Variants in DDX31 observed in about 807,000 individuals in gnomAD.
The protein encoded by DDX31 is ATP-dependent DNA helicase DDX31.
Under a neutral mutation model 91.3 loss-of-function variants are expected in DDX31, and 70 were observed. That is an observed-to-expected ratio of 0.77 (90% CI 0.63 to 0.94). The LOEUF is 0.94. Ranked by LOEUF, DDX31 falls within the 40% of genes least tolerant of loss-of-function variation. The pLI, the probability that DDX31 is intolerant of heterozygous loss-of-function variation, is 0.00. For synonymous variants in DDX31, 362 were observed against 350.6 expected, an observed-to-expected ratio of 1.03 and a Z score of -0.36; for missense variants, 902 against 925.0, an observed-to-expected ratio of 0.98 and a Z score of 0.32.
intron 19 of DDX31, among the ~76,000 whole-genome samples, chr9:132,599,269 G>A (rs1830601511): frequency 6.6e-6 from 1 of 152,166 alleles, no homozygotes; most frequent in Non-Finnish European, 1.5e-5. Flanking sequence ...TTTGTCCAGG[G>A]CCAAAAATCA....
chr9:132,596,722 G>A (rs940088933), intron 19 of DDX31, among the ~76,000 whole-genome samples: 3 of 152,232 alleles, frequency 2.0e-5, no homozygotes, highest in African/African-American at 7.2e-5. Context: ...GATTTGCCGG[G>A]TCAGCGGGGG....
At chr9:132,660,021 T>C (rs1381878816) in intron 4 of DDX31, among the ~76,000 whole-genome samples, 1 of 152,188 alleles carries the variant, frequency 6.6e-6, no homozygotes, top group Non-Finnish European at 1.5e-5. Flanking sequence ...CTGGCCATTC[T>C]ATTAAACTAA....
intron 1 of DDX31, among the ~76,000 whole-genome samples, chr9:132,665,394 C>A (rs1396917635): frequency 6.6e-6 from 1 of 152,044 alleles, no homozygotes; most frequent in Non-Finnish European, 1.5e-5. Flanking sequence ...GCAGAGGAGA[C>A]AAAAGTATAA....
At chr9:132,600,508 G>A (rs1349559346) in intron 19 of DDX31, among the ~76,000 whole-genome samples, 1 of 152,230 alleles carries the variant, frequency 6.6e-6, no homozygotes, top group Non-Finnish European at 1.5e-5. Context: ...GCCAAGGACA[G>A]GCACAGTGGC....
intron 19 of DDX31, among the ~76,000 whole-genome samples, chr9:132,608,932 A>T (rs1235175616): frequency 6.6e-6 from 1 of 152,166 alleles, no homozygotes; most frequent in Non-Finnish European, 1.5e-5. Context: ...CCTGACCACA[A>T]TTATACGGTC....
In DDX31 at chr9:132,651,069, C is replaced by T. The variant is rs374367849; in HGVS notation, c.675+6G>A. ...AAGATGAAATGGAACTCATGGTTTG[C>T]CTTACCTTAAGCAGTTTCTGGACAG... On this transcript the variant is annotated splice_donor_region_variant and intron_variant, in intron 8 of 19. Coordinates refer to ENST00000372159, the MANE Select transcript of DDX31 (RefSeq NM_022779.9). 90 of 1,611,310 alleles carry T rather than the reference C, an allele frequency of 5.6e-5. No individual in the cohort carries two copies. The highest frequency in any genetic ancestry group is 7.3e-5 in the Non-Finnish European group (86 of 1,178,790).
Position 132,652,434 on chromosome 9 carries a change from G to C in DDX31, c.633+14C>G. 6.2e-7 allele frequency: 1 copy of C among 1,614,122 alleles called. No individual in the cohort carries two copies. The highest frequency in any genetic ancestry group is 1.1e-5 in the South Asian group (1 of 91,076). On this transcript the variant is annotated intron_variant, in intron 7 of 19. Transcript: ENST00000372159. Reference sequence around the variant, plus strand: ...CATGTGCTTAAAACTTGTCCCAAAAGGGAGCCTGCTTACCTCTCTCGTTGG... The same window carrying C: ...CATGTGCTTAAAACTTGTCCCAAAACGGAGCCTGCTTACCTCTCTCGTTGG...
intron 6 of DDX31, among the ~76,000 whole-genome samples, chr9:132,656,088 T>C (rs539565151): frequency 1.2e-4 from 19 of 152,096 alleles, no homozygotes; most frequent in Admixed American, 1.2e-3. Context: ...TGAGGGAGGA[T>C]GGATATGATG....
At chr9:132,637,923 T>C in intron 14 of DDX31, 1 of 998,444 alleles carries the variant, frequency 1.0e-6, no homozygotes, top group South Asian at 4.5e-5. Flanking sequence ...TTCACAGCCG[T>C]ATCTCCTTTG....
At chr9:132,650,328 G>A in intron 8 of DDX31, 30 bp from the exon 9 acceptor site, 2 of 1,605,804 alleles carry the variant, frequency 1.2e-6, no homozygotes, top group South Asian at 2.2e-5. Context: ...CACAGTCAGT[G>A]CAAAGCCCCC....
chr9:132,630,204 A>G, intron 16 of DDX31, 60 bp downstream of exon 16: 1 of 1,498,470 alleles, frequency 6.7e-7, no homozygotes, highest in Non-Finnish European at 9.0e-7. Flanking sequence ...TCACTGTAAA[A>G]AGCGACAGAA....
chr9:132,625,745 G>A lies in DDX31; in HGVS notation c.1632C>T (p.Asn544=), dbSNP rs138460016. 109 of 1,612,532 alleles carry A rather than the reference G, an allele frequency of 6.8e-5. No individual in the cohort carries two copies. The Middle Eastern group carries it at 1.7e-3, about 24-fold the overall frequency. The part of the protein sequence containing the change: ...YVNSLASHKI[N]VSEIKMEDIL... ...TATCTTCCATCTTAATCTCAGAAAC[G>A]CTGTAAAAGGAAGGGCACAGCAAGG... Residue 544 remains asparagine, a splice_region_variant and synonymous_variant, in exon 17 of 20, where the codon AAC becomes AAT. Coordinates refer to ENST00000372159, the MANE Select transcript of DDX31 (RefSeq NM_022779.9).
chr9:132,650,482 C>T (rs1834118708), intron 8 of DDX31, among the ~76,000 whole-genome samples, 184 bp from the exon 9 acceptor site: 1 of 152,188 alleles, frequency 6.6e-6, no homozygotes, highest in Admixed American at 6.5e-5. Flanking sequence ...TCAGCAGTAA[C>T]TTGAATTATA....
At chr9:132,644,276 A>G (rs10491905) in intron 13 of DDX31, among the ~76,000 whole-genome samples, 46,649 of 152,146 alleles carry the variant, frequency 0.31, 7,495 homozygotes, top group Middle Eastern at 0.42. Context: ...TAAAAAAAGA[A>G]CTATTCCTGA....
intron 19 of DDX31, among the ~76,000 whole-genome samples, chr9:132,605,882 C>T: frequency 6.6e-6 from 1 of 152,000 alleles, no homozygotes; most frequent in Non-Finnish European, 1.5e-5. Context: ...TAAGCCAGGG[C>T]AAGATGCGGT....
chr9:132,665,641 G>T (rs1004275426), intron 1 of DDX31, among the ~76,000 whole-genome samples: 1 of 152,116 alleles, frequency 6.6e-6, no homozygotes, highest in Non-Finnish European at 1.5e-5. Flanking sequence ...TAAAAAATTC[G>T]TTTGAGTCTC....
chr9:132,628,402 C>G (rs1322518377), intron 16 of DDX31, among the ~76,000 whole-genome samples: 1 of 152,186 alleles, frequency 6.6e-6, no homozygotes, highest in Non-Finnish European at 1.5e-5. Context: ...AAGGGAGTCA[C>G]GTAAATGCGG....
At chr9:132,638,452 G>A (rs1833263268) in intron 14 of DDX31, 1 of 1,561,666 alleles carries the variant, frequency 6.4e-7, no homozygotes, top group Non-Finnish European at 8.8e-7. Context: ...GGGAAAGTGG[G>A]CTTTGAACTT....
At chr9:132,656,023 G>A (rs1834539723) in intron 6 of DDX31, among the ~76,000 whole-genome samples, 1 of 152,106 alleles carries the variant, frequency 6.6e-6, no homozygotes. Flanking sequence ...TTCAAAAGGT[G>A]TTACTACATA....
Sources: gnomAD v4.1 joint callset for allele counts (sites outside exome capture counted in the v4.1 genomes callset) on GRCh38, gnomAD v4.1.1 for gene constraint, MANE v1.5 for transcripts, NCBI Gene and HGNC (gene_info 2026-07-23, HGNC 2026-07-21) for gene names.